The following IL1RAPL1 variants were observed in gnomAD, a reference collection of about 807,000 sequenced individuals.
The protein encoded by IL1RAPL1 is interleukin 1 receptor accessory protein like 1.
IL1RAPL1 carries 3 observed loss-of-function variants against 48.4 expected under a neutral mutation model. The ratio of observed to expected loss-of-function variants is 0.06; its 90% confidence interval spans 0.03 to 0.16. The LOEUF (loss-of-function observed/expected upper bound fraction) is 0.16. Ranked by LOEUF, IL1RAPL1 falls within the 10% of genes least tolerant of loss-of-function variation. IL1RAPL1 has a pLI of 1.00. For synonymous variants in IL1RAPL1, 185 were observed against 187.7 expected, an observed-to-expected ratio of 0.99 and a Z score of 0.12; for missense variants, 349 against 530.6, an observed-to-expected ratio of 0.66 and a Z score of 3.36.
intron 2 of IL1RAPL1, among the ~76,000 whole-genome samples, chrX:28,856,637 C>A (rs181214086): frequency 9.0e-6 from 1 of 111,036 alleles, no homozygotes; most frequent in Non-Finnish European, 1.9e-5. Context: ...GATCTGTGAT[C>A]AGTAATCTTT....
At chrX:29,534,046 C>G (rs1602283387) in intron 5 of IL1RAPL1, among the ~76,000 whole-genome samples, 1 of 111,733 alleles carries the variant, frequency 8.9e-6, no homozygotes, top group South Asian at 3.8e-4. Context: ...TTCTCCTGCC[C>G]TTCCACCATG....
rs1200903539 is a variant in IL1RAPL1 at position 29,917,558 on chromosome X, A to G, written c.873A>G (p.Glu291=). 8.3e-7 allele frequency: 1 copy of G among 1,207,067 alleles called. No homozygotes were observed. The highest frequency in any genetic ancestry group is 1.8e-5 in the African/African-American group (1 of 57,005). The change falls in exon 7 of 11, where the codon GAA becomes GAG. Residue 291 remains glutamate (E), a synonymous_variant. Coordinates refer to ENST00000378993, the MANE Select transcript of IL1RAPL1 (RefSeq NM_014271.4). Reference sequence around the variant, plus strand: ...GGATGAAAGGAGAAAAATTTATTGAAGATCTGGATGAAAATCGAGTTTGGG... The same window carrying G: ...GGATGAAAGGAGAAAAATTTATTGAGGATCTGGATGAAAATCGAGTTTGGG... ...IYWMKGEKFI[E]DLDENRVWES... is the part of the protein sequence containing the mutation.
chrX:28,914,942 A>G (rs182168286), intron 2 of IL1RAPL1, among the ~76,000 whole-genome samples: 69 of 112,387 alleles, frequency 6.1e-4, no homozygotes, highest in Middle Eastern at 9.2e-3. Context: ...CAGGTTTTAC[A>G]GTGAAAACTG....
At chrX:29,334,193 G>A (rs76609508) in intron 3 of IL1RAPL1, among the ~76,000 whole-genome samples, 1 of 76,674 alleles carries the variant, frequency 1.3e-5, no homozygotes, top group Non-Finnish European at 2.5e-5. Context: ...CCGGCCGGGC[G>A]GGGGGCTGAC....
At chrX:29,205,183 G>A (rs778319412) in intron 2 of IL1RAPL1, among the ~76,000 whole-genome samples, 3 of 111,659 alleles carry the variant, frequency 2.7e-5, no homozygotes, top group Non-Finnish European at 3.8e-5. Context: ...AGAGTTCAGA[G>A]GAGACTGACA....
intron 5 of IL1RAPL1, among the ~76,000 whole-genome samples, chrX:29,478,455 CT>C (rs1463744046): frequency 9.0e-6 from 1 of 111,596 alleles, no homozygotes; most frequent in Non-Finnish European, 1.9e-5. Context: ...ACATCTCCCC[CT>C]GCTTCAGCCC....
At chrX:28,814,032 G>A (rs1936825994) in intron 2 of IL1RAPL1, among the ~76,000 whole-genome samples, 1 of 110,597 alleles carries the variant, frequency 9.0e-6, no homozygotes, top group East Asian at 2.9e-4. Context: ...CTTCTTGGTT[G>A]CACTCACAGT....
At chrX:29,620,398 C>T (rs1286983435) in intron 5 of IL1RAPL1, among the ~76,000 whole-genome samples, 6 of 111,128 alleles carry the variant, frequency 5.4e-5, no homozygotes, top group East Asian at 5.6e-4. Flanking sequence ...TAAACCTGCA[C>T]GGCATGTTAC....
chrX:28,706,092 A>C (rs1449440355), intron 1 of IL1RAPL1, among the ~76,000 whole-genome samples: 1 of 112,264 alleles, frequency 8.9e-6, no homozygotes, highest in Non-Finnish European at 1.9e-5. Context: ...TATTACAGTC[A>C]AGAGCCACAT....
chrX:29,947,074 G>T (rs1225158801), intron 9 of IL1RAPL1, among the ~76,000 whole-genome samples: 1 of 111,538 alleles, frequency 9.0e-6, no homozygotes, highest in African/African-American at 3.3e-5. Context: ...ACCGCCTCTG[G>T]AGTGTTGCCT....
intron 2 of IL1RAPL1, among the ~76,000 whole-genome samples, chrX:29,165,613 A>T (rs773591406): frequency 1.8e-5 from 2 of 111,931 alleles, no homozygotes; most frequent in Non-Finnish European, 3.8e-5. Context: ...AAAAACTCAT[A>T]TTGGTTAAGT....
intron 2 of IL1RAPL1, among the ~76,000 whole-genome samples, chrX:29,081,020 C>CTCTCTCTCTCTTTCTTTTCT (rs1555960745): frequency 6.2e-4 from 26 of 41,887 alleles, no homozygotes; most frequent in South Asian, 3.0e-3. Flanking sequence ...CTCTCTCTCT[C>CTCTCTCTCTCTTTCTTTTCT]TTTCTTTTCT....
chrX:28,921,417 G>A (rs1227562847), intron 2 of IL1RAPL1, among the ~76,000 whole-genome samples: 4 of 111,952 alleles, frequency 3.6e-5, no homozygotes, highest in African/African-American at 1.3e-4. Flanking sequence ...CCATGCTCTT[G>A]CAAAATTAAA....
intron 5 of IL1RAPL1, among the ~76,000 whole-genome samples, chrX:29,608,781 T>A (rs751630024): frequency 2.9e-5 from 3 of 102,208 alleles, no homozygotes; most frequent in East Asian, 3.2e-4. Context: ...AGCCGAGATC[T>A]CACCACTGCA....
chrX:28,843,171 T>C (rs1921419230), intron 2 of IL1RAPL1, among the ~76,000 whole-genome samples: 1 of 111,552 alleles, frequency 9.0e-6, no homozygotes, highest in Non-Finnish European at 1.9e-5. Context: ...GGGCTTGGCT[T>C]AATTTCTATA....
chrX:28,833,613 A>G (rs1435256259), intron 2 of IL1RAPL1, among the ~76,000 whole-genome samples: 1 of 111,923 alleles, frequency 8.9e-6, no homozygotes, highest in African/African-American at 3.2e-5. Context: ...TACCAATTCA[A>G]TATAATTCAA....
intron 3 of IL1RAPL1, among the ~76,000 whole-genome samples, chrX:29,321,593 T>C (rs1207610354): frequency 8.9e-6 from 1 of 111,833 alleles, no homozygotes; most frequent in African/African-American, 3.2e-5. Flanking sequence ...TATTTTGTTT[T>C]AGTACGTATA....
At chrX:29,059,116 T>C (rs1313267749) in intron 2 of IL1RAPL1, among the ~76,000 whole-genome samples, 7 of 111,810 alleles carry the variant, frequency 6.3e-5, no homozygotes, top group African/African-American at 2.3e-4. Context: ...GCTGCCATAA[T>C]TTTGGTTTAT....
rs150918184 is a variant in IL1RAPL1, at chrX:29,127,103, C to T, written c.83-155835C>T. Reference sequence around the variant, plus strand: ...TAGGTACCACTTTTTATAAACAGAGCGTTTTATAACAACCTGCTGTTGGTG... The same window carrying T: ...TAGGTACCACTTTTTATAAACAGAGTGTTTTATAACAACCTGCTGTTGGTG... On this transcript the variant is annotated intron_variant, in intron 2 of 10. Transcript: ENST00000378993. 3.6e-5 allele frequency among the ~76,000 whole-genome samples: 4 copies of T among 111,145 alleles called. No individual in the cohort carries two copies. The East Asian group carries it at 1.1e-3, about 31-fold the overall frequency.
Sources: gnomAD v4.1 joint callset for allele counts (sites outside exome capture counted in the v4.1 genomes callset) on GRCh38, gnomAD v4.1.1 for gene constraint, MANE v1.5 for transcripts, NCBI Gene and HGNC (gene_info 2026-07-23, HGNC 2026-07-21) for gene names.